Variants in CFAP43 observed in about 807,000 individuals in gnomAD.
CFAP43 encodes the protein cilia- and flagella-associated protein 43.
CFAP43 carries 155 observed loss-of-function variants against 218.9 expected under a neutral mutation model. The observed-to-expected ratio is 0.71, with a 90% CI of 0.62 to 0.81. The LOEUF (loss-of-function observed/expected upper bound fraction) is 0.81. CFAP43 is among the 30% of genes least tolerant of loss of function. The probability of loss-of-function intolerance (pLI) is 0.00; values close to 1 mark genes in which losing one functional copy is unlikely to be tolerated. For missense variants in CFAP43, 1,778 were observed against 1,954.3 expected, an observed-to-expected ratio of 0.91 and a Z score of 1.70; for synonymous variants, 645 against 681.3, an observed-to-expected ratio of 0.95 and a Z score of 0.83.
chr10:104,211,503 G>A (rs566149068), intron 5 of CFAP43, among the ~76,000 whole-genome samples: 1 of 152,196 alleles, frequency 6.6e-6, no homozygotes, highest in South Asian at 2.1e-4. Context: ...CCTCCCTCCC[G>A]GGTTTGCTCC....
chr10:104,144,377 G>A lies in CFAP43; in HGVS notation c.3945-738C>T, dbSNP rs557361620. Among the ~76,000 whole-genome samples, 11 of 152,320 alleles carry A rather than the reference G, an allele frequency of 7.2e-5. No individual in the cohort carries two copies. In the South Asian group the frequency reaches 1.9e-3, roughly 26 times the overall value. ...TTTAAAAATAGGAAAACCGCCGGGC[G>A]AGATGGCTCACACCTATAATCCCAA... On this transcript the variant is annotated intron_variant, in intron 31 of 37. Transcript: ENST00000357060.
chr10:104,179,848 T>A lies in CFAP43; in HGVS notation c.2374A>T (p.Ser792Cys). ...CCATGTTTCACAAATACCTCTTGGC[T>A]TTTTTGTTGTATCCAAGGAATTTCC... ...KKEIPWIQQK[S>C]QEAIKKEVNL... Residue 792 changes from serine (S) to cysteine (C), a missense_variant, in exon 18 of 38, where the codon AGC becomes TGC. Transcript: ENST00000357060. 2 of 1,612,668 alleles carry A rather than the reference T, an allele frequency of 1.2e-6. No individual in the cohort carries two copies. The highest frequency in any genetic ancestry group is 1.7e-6 in the Non-Finnish European group (2 of 1,179,066).
chr10:104,195,202 G>A (rs1441361189), intron 10 of CFAP43, among the ~76,000 whole-genome samples: 1 of 152,126 alleles, frequency 6.6e-6, no homozygotes, highest in African/African-American at 2.4e-5. Flanking sequence ...ACACAGTCCC[G>A]GACGCAGGCA....
chr10:104,136,348 A>G (rs1368066631), intron 34 of CFAP43, among the ~76,000 whole-genome samples: 1 of 149,084 alleles, frequency 6.7e-6, no homozygotes, highest in Non-Finnish European at 1.5e-5. Flanking sequence ...TTAGATATTT[A>G]CTTATTTTAT....
At chr10:104,220,949 CGTGTGT>C (rs68093596) in intron 3 of CFAP43, among the ~76,000 whole-genome samples, 8,661 of 143,656 alleles carry the variant, frequency 0.06, 296 homozygotes, top group South Asian at 0.12. Context: ...TATGAGTGAG[CGTGTGT>C]GTGTGTGTGT....
rs1273060204 is a variant in CFAP43, at chr10:104,179,121, G to C, written c.2383-15C>G. ...TTTTTGATGGCCTGAAACAGAACAAGTATATCACTTAACAAAGCAAGAGAA... is the reference window on the plus strand; with the variant it reads ...TTTTTGATGGCCTGAAACAGAACAACTATATCACTTAACAAAGCAAGAGAA... On this transcript the variant is annotated splice_polypyrimidine_tract_variant and intron_variant, in intron 18 of 37. Transcript: ENST00000357060. The C allele has an allele frequency of 1.3e-6, 2 of 1,582,514 alleles. No homozygotes were observed. Among genetic ancestry groups the C allele is most frequent in the East Asian group, 2.2e-5 (1 of 44,482 alleles).
At chr10:104,175,376 G>A (rs11191938) in intron 19 of CFAP43, among the ~76,000 whole-genome samples, 4 of 152,132 alleles carry the variant, frequency 2.6e-5, no homozygotes, top group African/African-American at 9.7e-5. Flanking sequence ...AGTGAGCTAC[G>A]CTTATGCCAC....
Position 104,203,661 on chromosome 10 carries a change from A to C in CFAP43, c.1095+11T>G, listed in dbSNP as rs1352268778. ...GAAAATCACATATCAAGAAATTACC[A>C]TCCAACATACCTTGTCTGTTTGAAT... On this transcript the variant is annotated intron_variant, in intron 8 of 37. Coordinates refer to ENST00000357060, the MANE Select transcript of CFAP43 (RefSeq NM_025145.7). 6.3e-7 allele frequency: 1 copy of C among 1,589,996 alleles called. No homozygotes were observed. The highest frequency in any genetic ancestry group is 1.4e-5 in the African/African-American group (1 of 73,714).
At chr10:104,173,784 C>A (rs2089507416) in intron 19 of CFAP43, among the ~76,000 whole-genome samples, 1 of 152,192 alleles carries the variant, frequency 6.6e-6, no homozygotes, top group African/African-American at 2.4e-5. Context: ...AGCAGACTGA[C>A]CTGGTGTCAT....
Position 104,140,770 on chromosome 10 carries a change from T to C in CFAP43, c.4431+72A>G, listed in dbSNP as rs757331694. On this transcript the variant is annotated intron_variant, in intron 34 of 37. Transcript: ENST00000357060. Reference sequence around the variant, plus strand: ...GGTTAAGGCTGCAGTGAGCCATGATTGTGCCACAAGACTCTAGCCTGAGTA... The same window carrying C: ...GGTTAAGGCTGCAGTGAGCCATGATCGTGCCACAAGACTCTAGCCTGAGTA... The C allele has an allele frequency of 7.8e-5, 98 of 1,255,954 alleles. No homozygotes were observed. In the Admixed American group the frequency reaches 2.1e-3, roughly 27 times the overall value. 77.8% of individuals were successfully genotyped at this position (1,255,954 alleles called of 1,614,324 possible).
intron 31 of CFAP43, 78 bp downstream of exon 31, chr10:104,145,398 A>G: frequency 2.2e-6 from 2 of 904,870 alleles, no homozygotes; most frequent in Non-Finnish European, 3.4e-6. Flanking sequence ...ATTGGGAGAA[A>G]AAAGCTGAAA....
intron 3 of CFAP43, among the ~76,000 whole-genome samples, chr10:104,224,337 C>T (rs1053697679): frequency 6.6e-6 from 1 of 152,026 alleles, no homozygotes; most frequent in Non-Finnish European, 1.5e-5. Flanking sequence ...GCCACAGCGC[C>T]TGGCCGATGG....
chr10:104,209,143 G>A (rs1033841923), intron 5 of CFAP43, among the ~76,000 whole-genome samples: 1 of 152,012 alleles, frequency 6.6e-6, no homozygotes, highest in African/African-American at 2.4e-5. Context: ...ATTGAAGGAG[G>A]GAATAGAATC....
intron 3 of CFAP43, among the ~76,000 whole-genome samples, chr10:104,223,310 G>A (rs778468831): frequency 6.6e-6 from 1 of 152,158 alleles, no homozygotes; most frequent in Non-Finnish European, 1.5e-5. Context: ...AAAATACACT[G>A]GTGGCCCAGA....
At chr10:104,136,306 G>T (rs1292392808) in intron 34 of CFAP43, among the ~76,000 whole-genome samples, 1 of 148,116 alleles carries the variant, frequency 6.8e-6, no homozygotes, top group Non-Finnish European at 1.5e-5. Flanking sequence ...AAAGAAAACA[G>T]GGATAAATCT....
chr10:104,207,824 G>A lies in CFAP43; in HGVS notation c.736C>T (p.Pro246Ser), dbSNP rs2090741594. 6.2e-7 allele frequency: 1 copy of A among 1,609,646 alleles called. No homozygotes were observed. The highest frequency in any genetic ancestry group is 8.5e-7 in the Non-Finnish European group (1 of 1,178,606). The change falls in exon 6 of 38, where the codon CCG becomes TCG. Residue 246 changes from proline to serine, a missense_variant and splice_region_variant. Physicochemically the swap from Pro to Ser is moderately conservative, Grantham distance 74. This residue lies in a region of CFAP43 where 1,553 missense variants were observed against 1,685.2 expected (regional missense o/e 0.92). Coordinates refer to ENST00000357060, the MANE Select transcript of CFAP43 (RefSeq NM_025145.7). ...LVGKEAETFR[P>S]KDDLYPLLHP... ...AGCAAAGGATATAGATCATCTTTCG[G>A]CTTCAGGGAGAGAATAAAACCTTGT...
Position 104,166,845 on chromosome 10 carries a change from T to A in CFAP43, c.2809-127A>T, listed in dbSNP as rs529243600. The A allele has an allele frequency of 7.0e-5, 55 of 790,338 alleles. No homozygotes were observed. In the East Asian group the frequency reaches 9.8e-4, roughly 14 times the overall value. The allele number at this position is 790,338 out of a possible 1,614,324, so 49.0% of individuals were successfully genotyped here. On this transcript the variant is annotated intron_variant, in intron 22 of 37. Coordinates refer to ENST00000357060, the MANE Select transcript of CFAP43 (RefSeq NM_025145.7). ...TTGAATTGTCTTGCCAACAACTGAA[T>A]TCGAAGTGATGAATAGATCCCAGAA...
At chr10:104,167,813 G>T in intron 21 of CFAP43, 76 bp from the exon 22 acceptor site, 1 of 1,046,970 alleles carries the variant, frequency 9.6e-7, no homozygotes. Context: ...AGTAGGGGAT[G>T]TTTTCTGTGA....
At chr10:104,140,140 C>A (rs182536958) in intron 34 of CFAP43, among the ~76,000 whole-genome samples, 124 of 152,102 alleles carry the variant, frequency 8.2e-4, no homozygotes, top group Non-Finnish European at 1.0e-3. Flanking sequence ...TTTTAGGACT[C>A]AATTATACCT....
Sources: gnomAD v4.1 joint callset for allele counts (sites outside exome capture counted in the v4.1 genomes callset) on GRCh38, gnomAD v4.1.1 for gene constraint, gnomAD v4.1.1 regional missense constraint, MANE v1.5 for transcripts, NCBI Gene and HGNC (gene_info 2026-07-23, HGNC 2026-07-21) for gene names.